The following XKR4 variants were observed in gnomAD, a reference collection of about 807,000 sequenced individuals.
XKR4 encodes XK related 4, also known as XK-related protein 4.
XKR4 carries 12 observed loss-of-function variants against 53.9 expected under a neutral mutation model. The observed-to-expected ratio is 0.22, with a 90% CI of 0.14 to 0.36. XKR4 has a LOEUF of 0.36. Among genes scored for constraint, XKR4 ranks in the 10% least tolerant of loss-of-function variants. The probability of loss-of-function intolerance (pLI) is 1.00; values close to 1 mark genes in which losing one functional copy is unlikely to be tolerated. For synonymous variants in XKR4, 354 were observed against 362.4 expected (o/e 0.98, Z 0.26); for missense variants, 799 against 859.5 (o/e 0.93, Z 0.88).
intron 2 of XKR4, among the ~76,000 whole-genome samples, chr8:55,456,555 A>T (rs533277177): frequency 6.6e-6 from 1 of 152,366 alleles, no homozygotes; most frequent in South Asian, 2.1e-4. Flanking sequence ...TCCATAAATA[A>T]TCTTTAGAGA....
intron 1 of XKR4, among the ~76,000 whole-genome samples, chr8:55,281,907 C>A (rs1585984780): frequency 6.6e-6 from 1 of 152,146 alleles, no homozygotes. Flanking sequence ...TGCATTATTC[C>A]CAATGAAAAT....
chr8:55,159,207 G>A (rs1292005894), intron 1 of XKR4, among the ~76,000 whole-genome samples: 2 of 152,064 alleles, frequency 1.3e-5, no homozygotes, highest in African/African-American at 2.4e-5. Flanking sequence ...TCACCACCCT[G>A]GTTAGCTATA....
chr8:55,131,163 A>AAACAACAACAACAACAACAACAACAAC (rs56967446), intron 1 of XKR4, among the ~76,000 whole-genome samples: 17 of 150,210 alleles, frequency 1.1e-4, no homozygotes, highest in African/African-American at 2.2e-4. Context: ...GCTGTCTCAA[A>AAACAACAACAACAACAACAACAACAAC]AACAACAACA....
At chr8:55,308,212 C>T (rs911913346) in intron 1 of XKR4, among the ~76,000 whole-genome samples, 1 of 152,150 alleles carries the variant, frequency 6.6e-6, no homozygotes, top group Non-Finnish European at 1.5e-5. Context: ...GAGATCGTGC[C>T]ATTGTGATCC....
At chr8:55,462,544 G>T (rs556808868) in intron 2 of XKR4, among the ~76,000 whole-genome samples, 2 of 152,244 alleles carry the variant, frequency 1.3e-5, no homozygotes, top group Admixed American at 1.3e-4. Flanking sequence ...AGACCATCAA[G>T]GCTAGGAAGA....
At chr8:55,358,001 A>T in intron 2 of XKR4, 124 bp downstream of exon 2, 1 of 948,084 alleles carries the variant, frequency 1.1e-6, no homozygotes, top group Non-Finnish European at 1.6e-6. Flanking sequence ...GCTGTTTTAC[A>T]TGTGTTTCGT....
At chr8:55,483,752 C>T (rs1383677053) in intron 2 of XKR4, among the ~76,000 whole-genome samples, 3 of 136,816 alleles carry the variant, frequency 2.2e-5, no homozygotes, top group African/African-American at 9.5e-5. Context: ...AAGTGAAAAG[C>T]CTCTCCCTTA....
At chr8:55,189,523 T>A (rs750518246) in intron 1 of XKR4, among the ~76,000 whole-genome samples, 2 of 152,182 alleles carry the variant, frequency 1.3e-5, no homozygotes, top group Admixed American at 1.3e-4. Context: ...CAAACCTGTA[T>A]CATGTGTTAT....
At chr8:55,421,289 C>T (rs977209071) in intron 2 of XKR4, among the ~76,000 whole-genome samples, 9 of 152,158 alleles carry the variant, frequency 5.9e-5, no homozygotes, top group African/African-American at 1.7e-4. Flanking sequence ...GGTCACAAAA[C>T]GATTAATGAT....
chr8:55,170,109 G>A (rs890941019), intron 1 of XKR4, among the ~76,000 whole-genome samples: 2 of 152,116 alleles, frequency 1.3e-5, no homozygotes, highest in African/African-American at 4.8e-5. Flanking sequence ...AAAGTTCACA[G>A]CATGTTCTAA....
At chr8:55,463,235 C>T (rs1256055190) in intron 2 of XKR4, among the ~76,000 whole-genome samples, 1 of 152,150 alleles carries the variant, frequency 6.6e-6, no homozygotes, top group East Asian at 1.9e-4. Context: ...GTAAAGCACT[C>T]CTCAGCAAAT....
At chr8:55,139,506 C>G (rs1816673351) in intron 1 of XKR4, among the ~76,000 whole-genome samples, 1 of 54,818 alleles carries the variant, frequency 1.8e-5, no homozygotes, top group African/African-American at 8.0e-5. Context: ...GAGCAAGACT[C>G]CGTCTCAAAA....
At chr8:55,478,462 C>A (rs1280381267) in intron 2 of XKR4, among the ~76,000 whole-genome samples, 2 of 152,032 alleles carry the variant, frequency 1.3e-5, no homozygotes, top group Non-Finnish European at 2.9e-5. Context: ...AATGTAAAGA[C>A]CATCAAGGCT....
chr8:55,118,995 A>AT (rs1429046700), intron 1 of XKR4, among the ~76,000 whole-genome samples: 1 of 152,068 alleles, frequency 6.6e-6, no homozygotes, highest in South Asian at 2.1e-4. Context: ...TCATGTAGTT[A>AT]TATAGGTTAG....
At chr8:55,222,217 AG>A (rs555233655) in intron 1 of XKR4, among the ~76,000 whole-genome samples, 155 of 152,308 alleles carry the variant, frequency 1.0e-3, no homozygotes, top group African/African-American at 3.5e-3. Context: ...ACCATGACCC[AG>A]GGAAACAAAA....
intron 1 of XKR4, among the ~76,000 whole-genome samples, chr8:55,168,463 A>G (rs962065088): frequency 2.0e-5 from 3 of 152,150 alleles, no homozygotes; most frequent in Non-Finnish European, 2.9e-5. Flanking sequence ...AATGCATCCT[A>G]TGTTCCCACT....
chr8:55,208,389 A>G (rs1313132884), intron 1 of XKR4, among the ~76,000 whole-genome samples: 2 of 152,208 alleles, frequency 1.3e-5, no homozygotes, highest in African/African-American at 4.8e-5. Flanking sequence ...AATACCTTTA[A>G]GTGAAGGGGG....
At chr8:55,482,250 C>A (rs529799097) in intron 2 of XKR4, among the ~76,000 whole-genome samples, 4,008 of 152,108 alleles carry the variant, frequency 0.026, 169 homozygotes, top group African/African-American at 0.091. Context: ...TTTGTAGGGA[C>A]ATGGATGAAG....
chr8:55,292,928 G>A (rs1377212897), intron 1 of XKR4, among the ~76,000 whole-genome samples: 2 of 152,186 alleles, frequency 1.3e-5, no homozygotes, highest in African/African-American at 4.8e-5. Flanking sequence ...TGGTGTCCAT[G>A]TGTTTGGAGG....
Sources: gnomAD v4.1 joint callset for allele counts (sites outside exome capture counted in the v4.1 genomes callset) on GRCh38, gnomAD v4.1.1 for gene constraint, MANE v1.5 for transcripts, NCBI Gene and HGNC (gene_info 2026-07-23, HGNC 2026-07-21) for gene names.